AGXT2: variants seen among roughly 807,000 people sequenced by gnomAD.
AGXT2 encodes alanine--glyoxylate aminotransferase 2, mitochondrial.
AGXT2 carries 61 observed loss-of-function variants against 62.5 expected under a neutral mutation model. The ratio of observed to expected loss-of-function variants is 0.98; its 90% CI spans 0.79 to 1.21. AGXT2 has a LOEUF of 1.21. Ranked by LOEUF, AGXT2 falls within the 50% of genes most tolerant of loss-of-function variation. The pLI, the probability that AGXT2 is intolerant of heterozygous loss-of-function variation, is 0.00. For synonymous variants in AGXT2, 243 were observed against 218.7 expected (o/e 1.11, Z -0.98); for missense variants, 666 against 641.5 (o/e 1.04, Z -0.41).
chr5:35,021,026 G>A lies in AGXT2; in HGVS notation c.963+4737C>T, dbSNP rs1309108335. On this transcript the variant is annotated intron_variant, in intron 9 of 13. Coordinates refer to ENST00000231420, the MANE Select transcript of AGXT2 (RefSeq NM_031900.4). ...GAGTCCAACTTACAAGGGATGTGAA[G>A]GACCTCTTCAAGGAGAACTACAAAC... 2.6e-5 allele frequency among the ~76,000 whole-genome samples: 4 copies of A among 152,116 alleles called. 1 individual carries two copies. The highest frequency in any genetic ancestry group is 4.1e-4 in the South Asian group (2 of 4,824).
At chr5:35,003,910 A>G (rs1766329112) in intron 12 of AGXT2, 49 bp from the exon 13 acceptor site, 1 of 1,575,940 alleles carries the variant, frequency 6.3e-7, no homozygotes, top group East Asian at 2.2e-5. Flanking sequence ...GGAATGGTTA[A>G]AGGAATTATT....
chr5:35,047,691 C>G, intron 1 of AGXT2, 114 bp downstream of exon 1: 1 of 1,378,384 alleles, frequency 7.3e-7, no homozygotes, highest in Non-Finnish European at 9.8e-7. Context: ...TGCCTCATCT[C>G]TAAGACCTCA....
At chr5:35,011,597 T>A (rs1766642990) in intron 11 of AGXT2, among the ~76,000 whole-genome samples, 1 of 152,196 alleles carries the variant, frequency 6.6e-6, no homozygotes, top group Admixed American at 6.5e-5. Context: ...TTTTCTTATT[T>A]ATTTTTATTT....
rs1766575648 is a variant in AGXT2 at position 35,010,107 on chromosome 5, C to T, written c.1231G>A (p.Gly411Arg). The T allele has an allele frequency of 6.2e-7, 1 of 1,614,194 alleles. No homozygotes were observed. The highest frequency in any genetic ancestry group is 8.5e-7 in the Non-Finnish European group (1 of 1,180,032). Residue 411 changes from glycine to arginine, a missense_variant, in exon 12 of 14, where the codon GGG (glycine) becomes AGG (arginine). Coordinates refer to ENST00000231420, the MANE Select transcript of AGXT2 (RefSeq NM_031900.4). Reference sequence around the variant, plus strand: ...GCAAACTTTAGTAACATGTAGGTCCCAACTTCTTGACTGTTTTCCTGTAGA... The same window carrying T: ...GCAAACTTTAGTAACATGTAGGTCCTAACTTCTTGACTGTTTTCCTGTAGA... ...ENLQENSQEVGTYMLLKFAKL... is the reference protein window; with the variant it reads ...ENLQENSQEVRTYMLLKFAKL...
Position 34,998,347 on chromosome 5 carries a change from G to A in AGXT2, c.*372C>T, listed in dbSNP as rs1472013267. The A allele has an allele frequency of 3.3e-6, 1 of 299,382 alleles. No homozygotes were observed. The highest frequency in any genetic ancestry group is 2.2e-5 in the African/African-American group (1 of 46,010). The allele number at this position is 299,382 out of a possible 1,614,324, so 18.5% of individuals were successfully genotyped here. ...TCTCTTCTTGAACTGAAGAGTGAGG[G>A]TGAAGAAAACTTTCCCTGAAGGCAC... is the stretch of plus-strand genomic sequence containing the variant. On this transcript the variant is annotated 3_prime_UTR_variant, in exon 14 of 14. Transcript: ENST00000231420.
chr5:35,025,671 T>C, intron 9 of AGXT2, 92 bp downstream of exon 9: 1 of 1,361,938 alleles, frequency 7.3e-7, no homozygotes, highest in South Asian at 1.2e-5. Flanking sequence ...AGCAGAGGCT[T>C]TCTGCCTGGA....
intron 13 of AGXT2, among the ~76,000 whole-genome samples, chr5:35,000,320 C>T (rs548433639): frequency 4.6e-5 from 7 of 152,200 alleles, no homozygotes; most frequent in Admixed American, 2.0e-4. Flanking sequence ...TACCTGTCCA[C>T]GCTTTCTGCC....
intron 7 of AGXT2, among the ~76,000 whole-genome samples, chr5:35,032,198 C>T (rs1345639353): frequency 1.3e-5 from 2 of 151,804 alleles, no homozygotes; most frequent in South Asian, 2.1e-4. Flanking sequence ...GTGATCTGCC[C>T]GCCTCAACCT....
intron 11 of AGXT2, 198 bp downstream of exon 11, chr5:35,012,756 C>T (rs1580577634): frequency 8.2e-6 from 5 of 608,218 alleles, no homozygotes; most frequent in East Asian, 2.9e-5. Context: ...ATTTCTTATC[C>T]AATACTTTCA....
intron 1 of AGXT2, among the ~76,000 whole-genome samples, chr5:35,042,618 G>A (rs1218702015): frequency 6.6e-6 from 1 of 152,024 alleles, no homozygotes; most frequent in Non-Finnish European, 1.5e-5. Context: ...CTAGATAATT[G>A]CATGCAATTT....
At chr5:35,041,830 G>A (rs1390408268) in intron 1 of AGXT2, among the ~76,000 whole-genome samples, 1 of 152,016 alleles carries the variant, frequency 6.6e-6, no homozygotes, top group Non-Finnish European at 1.5e-5. Flanking sequence ...TTCTTTCAAA[G>A]AGATATATTC....
chr5:35,047,726 C>G, intron 1 of AGXT2, 79 bp downstream of exon 1: 2 of 1,548,622 alleles, frequency 1.3e-6, no homozygotes, highest in Middle Eastern at 2.1e-4. Context: ...TCCAGAATCC[C>G]AGGCAGCAGC....
intron 9 of AGXT2, 57 bp from the exon 10 acceptor site, chr5:35,014,176 G>C (rs936493254): frequency 1.2e-6 from 2 of 1,610,146 alleles, no homozygotes; most frequent in Admixed American, 3.3e-5. Flanking sequence ...GTTTTCGACA[G>C]GGCGCGGTGG....
chr5:35,036,855 C>T, intron 4 of AGXT2, 87 bp downstream of exon 4: 1 of 1,597,162 alleles, frequency 6.3e-7, no homozygotes, highest in Non-Finnish European at 8.5e-7. Context: ...CCCCTAGAAT[C>T]ATAAGACTCC....
chr5:35,003,174 T>A (rs1397380386), intron 13 of AGXT2, among the ~76,000 whole-genome samples: 1 of 152,148 alleles, frequency 6.6e-6, no homozygotes, highest in Non-Finnish European at 1.5e-5. Flanking sequence ...GCTCGACCTC[T>A]GAATCTCCCA....
At chr5:35,030,022 G>T (rs934910534) in intron 7 of AGXT2, among the ~76,000 whole-genome samples, 4 of 152,198 alleles carry the variant, frequency 2.6e-5, no homozygotes, top group Non-Finnish European at 5.9e-5. Flanking sequence ...ATTGAGAACA[G>T]GCAACATCTA....
At chr5:35,035,359 T>C (rs1413047962) in intron 4 of AGXT2, 43 bp from the exon 5 acceptor site, 2 of 1,538,472 alleles carry the variant, frequency 1.3e-6, no homozygotes, top group East Asian at 2.2e-5. Context: ...ATTTATTTCC[T>C]TATTACCCAT....
chr5:35,044,158 G>A (rs575669956), intron 1 of AGXT2, among the ~76,000 whole-genome samples: 2 of 152,326 alleles, frequency 1.3e-5, no homozygotes, highest in African/African-American at 4.8e-5. Flanking sequence ...GGAATTCGAG[G>A]CCTTGGCAGT....
Position 35,040,386 on chromosome 5 carries a change from A to G in AGXT2, c.177+189T>C, listed in dbSNP as rs536751120. Reference sequence around the variant, plus strand: ...TCTCTATCTCTCACACATGGACACCAATTTATACACTAGCATTAAGGGATT... The same window carrying G: ...TCTCTATCTCTCACACATGGACACCGATTTATACACTAGCATTAAGGGATT... On this transcript the variant is annotated intron_variant, in intron 2 of 13. Transcript: ENST00000231420. 2.6e-5 allele frequency among the ~76,000 whole-genome samples: 4 copies of G among 152,304 alleles called. No individual in the cohort carries two copies. The East Asian group carries it at 7.7e-4, about 29-fold the overall frequency.
Sources: allele counts gnomAD v4.1 joint callset (sites outside exome capture counted in the v4.1 genomes callset), GRCh38; gene constraint gnomAD v4.1.1; transcripts MANE v1.5; gene names NCBI Gene and HGNC (gene_info 2026-07-23, HGNC 2026-07-21).